The following CAMK4 variants were observed in gnomAD, a reference collection of about 807,000 sequenced individuals.
The protein encoded by CAMK4 is calcium/calmodulin-dependent protein kinase type IV.
In CAMK4, 22 loss-of-function variants were observed where a neutral mutation model predicts 44.9. The ratio of observed to expected loss-of-function variants is 0.49; its 90% CI spans 0.35 to 0.70. The LOEUF (loss-of-function observed/expected upper bound fraction) is 0.70. Ranked by LOEUF, CAMK4 falls within the 30% of genes least tolerant of loss-of-function variation. CAMK4 has a pLI of 0.01. For synonymous variants in CAMK4, 218 were observed against 215.4 expected (o/e 1.01, Z -0.11); for missense variants, 498 against 586.8 (o/e 0.85, Z 1.56).
At chr5:111,327,473 G>A (rs1308195660) in intron 1 of CAMK4, among the ~76,000 whole-genome samples, 2 of 152,028 alleles carry the variant, frequency 1.3e-5, no homozygotes, top group Non-Finnish European at 2.9e-5. Flanking sequence ...AAACATATGT[G>A]TGCATGTGTC....
In CAMK4 at chr5:111,484,078, G is replaced by A. The variant is rs769100994; in HGVS notation, c.1034G>A (p.Ser345Asn). The A allele has an allele frequency of 3.8e-5, 62 of 1,611,578 alleles. No individual in the cohort carries two copies. Among genetic ancestry groups the A allele is most frequent in the Admixed American group, 5.0e-5 (3 of 59,738 alleles). Residue 345 changes from serine to asparagine, a missense_variant, in exon 11 of 11, where the codon AGC (serine) becomes AAC (asparagine). Around this residue, in one of 3 missense-constraint regions of CAMK4, gnomAD observed 203 missense variants for 298.2 expected, o/e 0.68. Transcript: ENST00000282356. This position sits in a 1 kb window ranked among gnomAD's most constrained non-coding sequence, Gnocchi z 5.3. The part of the protein sequence containing the change: ...ASSRLGSASS[S>N]HGSIQESHKA... ...TCGCGCCTGGGAAGTGCCAGCAGCA[G>A]CCATGGCAGCATCCAGGAGAGCCAC...
intron 5 of CAMK4, among the ~76,000 whole-genome samples, chr5:111,425,909 A>T (rs1034428693): frequency 6.6e-6 from 1 of 152,196 alleles, no homozygotes; most frequent in Non-Finnish European, 1.5e-5. Flanking sequence ...CTTTTTTTAA[A>T]CTATGTCATT....
At chr5:111,380,244 A>C (rs1440469427) in intron 4 of CAMK4, among the ~76,000 whole-genome samples, 1 of 152,134 alleles carries the variant, frequency 6.6e-6, no homozygotes, top group African/African-American at 2.4e-5. Context: ...GATTTTTGTC[A>C]GATAACTCCA....
intron 1 of CAMK4, among the ~76,000 whole-genome samples, chr5:111,276,722 C>T (rs1234733942): frequency 1.3e-5 from 2 of 152,030 alleles, no homozygotes; most frequent in Non-Finnish European, 2.9e-5. Flanking sequence ...GATAGGGGTG[C>T]TTCTATGAAT....
At chr5:111,473,913 G>A (rs939105932) in intron 8 of CAMK4, among the ~76,000 whole-genome samples, 1 of 151,664 alleles carries the variant, frequency 6.6e-6, no homozygotes, top group Non-Finnish European at 1.5e-5. Flanking sequence ...AATTTCTTGG[G>A]AAAAAAAATG....
intron 2 of CAMK4, among the ~76,000 whole-genome samples, chr5:111,350,692 G>A (rs535065644): frequency 6.6e-6 from 1 of 152,114 alleles, no homozygotes; most frequent in African/African-American, 2.4e-5. Context: ...GTTCTGGAAA[G>A]GTTTTGCTTG....
intron 1 of CAMK4, among the ~76,000 whole-genome samples, chr5:111,262,812 C>A (rs538807881): frequency 6.6e-6 from 1 of 152,098 alleles, no homozygotes; most frequent in South Asian, 2.1e-4. Flanking sequence ...TGAACAAAAA[C>A]GGAAATACAC....
intron 1 of CAMK4, among the ~76,000 whole-genome samples, chr5:111,261,833 T>G (rs965472010): frequency 1.3e-5 from 2 of 152,156 alleles, no homozygotes; most frequent in African/African-American, 4.8e-5. Flanking sequence ...TCTCTGGGGC[T>G]GGGATATGTG....
chr5:111,252,514 G>A (rs1336945704), intron 1 of CAMK4, among the ~76,000 whole-genome samples: 2 of 152,090 alleles, frequency 1.3e-5, no homozygotes, highest in Non-Finnish European at 2.9e-5. Context: ...TGGGGAACTT[G>A]TGGTTGCTGG....
At chr5:111,445,391 A>G (rs1366104189) in intron 5 of CAMK4, among the ~76,000 whole-genome samples, 2 of 152,060 alleles carry the variant, frequency 1.3e-5, no homozygotes, top group Non-Finnish European at 2.9e-5. Flanking sequence ...TTGTGTATAT[A>G]CATATGTAGT....
chr5:111,398,743 A>G (rs530951151), intron 5 of CAMK4, among the ~76,000 whole-genome samples: 2 of 152,304 alleles, frequency 1.3e-5, no homozygotes, highest in Admixed American at 6.5e-5. Flanking sequence ...TGATACCAGC[A>G]AAAAACTCTT....
intron 1 of CAMK4, among the ~76,000 whole-genome samples, chr5:111,240,802 C>T (rs905681189): frequency 6.6e-6 from 1 of 152,118 alleles, no homozygotes; most frequent in Non-Finnish European, 1.5e-5. Flanking sequence ...AATGTTTTGG[C>T]TATAGGGCAA....
chr5:111,426,582 A>G (rs1048624891), intron 5 of CAMK4, among the ~76,000 whole-genome samples: 2 of 152,200 alleles, frequency 1.3e-5, no homozygotes, highest in African/African-American at 2.4e-5. Flanking sequence ...TTAACTCCAT[A>G]TCGCTGAAAG....
chr5:111,322,667 A>G (rs1748711078), intron 1 of CAMK4, among the ~76,000 whole-genome samples: 1 of 152,184 alleles, frequency 6.6e-6, no homozygotes, highest in South Asian at 2.1e-4. Flanking sequence ...GGGTGTAGGG[A>G]GAGTCAATAA....
chr5:111,260,392 C>T (rs938240477), intron 1 of CAMK4, among the ~76,000 whole-genome samples: 6 of 152,180 alleles, frequency 3.9e-5, no homozygotes, highest in Non-Finnish European at 8.8e-5. Context: ...CTGGTAAAAT[C>T]TCCTGCATAC....
At chr5:111,341,417 C>T (rs1749637944) in intron 1 of CAMK4, among the ~76,000 whole-genome samples, 1 of 150,988 alleles carries the variant, frequency 6.6e-6, no homozygotes, top group African/African-American at 2.4e-5. Flanking sequence ...TATCTTTTTA[C>T]ATATGGATAT....
chr5:111,360,312 A>T (rs1750537694), intron 2 of CAMK4, among the ~76,000 whole-genome samples: 1 of 152,026 alleles, frequency 6.6e-6, no homozygotes. Context: ...TAACCCAGGG[A>T]AGCGTGGTGA....
At chr5:111,246,758 A>G (rs747281238) in intron 1 of CAMK4, among the ~76,000 whole-genome samples, 8 of 152,136 alleles carry the variant, frequency 5.3e-5, no homozygotes, top group Non-Finnish European at 8.8e-5. Flanking sequence ...CCACACCTAA[A>G]CAAACCAGAG....
chr5:111,238,808 CTTTTTTTTTTTT>C (rs57552178), intron 1 of CAMK4, among the ~76,000 whole-genome samples: 3 of 45,892 alleles, frequency 6.5e-5, no homozygotes, highest in African/African-American at 1.8e-4. Context: ...AGAGGCTCTT[CTTTTTTTTTTTT>C]TTTTTTTTTT....
Sources: allele counts gnomAD v4.1 joint callset (sites outside exome capture counted in the v4.1 genomes callset), GRCh38; gene constraint gnomAD v4.1.1; regional missense constraint gnomAD v4.1.1; non-coding constraint Gnocchi (gnomAD v3.1); transcripts MANE v1.5; gene names NCBI Gene and HGNC (gene_info 2026-07-23, HGNC 2026-07-21).